Variants in ACIN1 observed in about 807,000 individuals in gnomAD.
ACIN1 encodes apoptotic chromatin condensation inducer 1.
ACIN1 carries 16 observed loss-of-function variants against 146.6 expected under a neutral mutation model. That is an observed-to-expected ratio of 0.11 (90% CI 0.07 to 0.17). ACIN1 has a LOEUF of 0.17. Ranked by LOEUF, ACIN1 falls within the 10% of genes least tolerant of loss-of-function variation. ACIN1 has a pLI of 1.00. For synonymous variants in ACIN1, 569 were observed against 582.7 expected (o/e 0.98, Z 0.34); for missense variants, 1,357 against 1,609.3 (o/e 0.84, Z 2.68).
intron 8 of ACIN1, chr14:23,071,405 G>T: frequency 6.4e-7 from 1 of 1,551,352 alleles, no homozygotes; most frequent in Non-Finnish European, 8.7e-7. Context: ...TGGCTTTTAA[G>T]AGATAAGCGT....
chr14:23,069,652 G>GCCGCC, intron 8 of ACIN1, 35 bp from the exon 9 acceptor site: 3 of 577,964 alleles, frequency 5.2e-6, no homozygotes, highest in Non-Finnish European at 1.0e-5. Context: ...GGGGGGGCGG[G>GCCGCC]CAGAAAAGAA....
chr14:23,062,783 AAT>A, intron 14 of ACIN1, 144 bp downstream of exon 14: 1 of 1,083,138 alleles, frequency 9.2e-7, no homozygotes, highest in Non-Finnish European at 1.3e-6. Flanking sequence ...TAGATGGGTA[AAT>A]ATGTTAAGTA....
Position 23,093,528 on chromosome 14 carries a change from T to C in ACIN1, c.155A>G (p.Asn52Ser). The change falls in exon 2 of 19, where the codon AAT becomes AGT. Residue 52 changes from asparagine to serine, a missense_variant. By Grantham distance (46) the Asn-to-Ser change is conservative. Around this residue, in one of 4 missense-constraint regions of ACIN1, gnomAD observed 55 missense variants for 123.9 expected, o/e 0.44. Coordinates refer to ENST00000605057, the MANE Select transcript of ACIN1 (RefSeq NM_001386863.1). ...KRLKGALMLE[N>S]LQKHSTPHAA... ...ATGGGGTGTTGAGTGTTTCTGTAAA[T>C]TTTCTAGCATTAGAGCCTGGTATAG... 1.2e-6 allele frequency: 2 copies of C among 1,614,032 alleles called. No homozygotes were observed. Among genetic ancestry groups the C allele is most frequent in the Non-Finnish European group, 8.5e-7 (1 of 1,179,976 alleles).
chr14:23,070,536 A>G (rs1447050051), intron 8 of ACIN1, among the ~76,000 whole-genome samples: 1 of 152,050 alleles, frequency 6.6e-6, no homozygotes, highest in African/African-American at 2.4e-5. Context: ...GTTAGCTCCC[A>G]TTTCAGGCAA....
intron 4 of ACIN1, among the ~76,000 whole-genome samples, chr14:23,083,328 C>A (rs967536668): frequency 2.0e-5 from 3 of 152,084 alleles, no homozygotes; most frequent in African/African-American, 7.2e-5. Flanking sequence ...CCCCGGTCCT[C>A]CCAAAGTGCT....
intron 4 of ACIN1, 111 bp downstream of exon 4, chr14:23,089,871 G>T: frequency 7.5e-7 from 1 of 1,339,612 alleles, no homozygotes; most frequent in Non-Finnish European, 9.8e-7. Flanking sequence ...CAATGTCACA[G>T]AATTTCCCTG....
intron 7 of ACIN1, 56 bp from the exon 8 acceptor site, chr14:23,078,322 T>C (rs1029382031): frequency 1.3e-6 from 2 of 1,521,712 alleles, no homozygotes; most frequent in Non-Finnish European, 1.8e-6. Flanking sequence ...GCTTGGTTCC[T>C]TTTCTTCTAC....
chr14:23,064,593 T>G, intron 10 of ACIN1, 105 bp from the exon 11 acceptor site: 1 of 1,461,548 alleles, frequency 6.8e-7, no homozygotes, highest in South Asian at 1.3e-5. Flanking sequence ...GGTAAAAGGT[T>G]AACTTAAAGA....
At chr14:23,095,437 A>T (rs2048353675), upstream of ACIN1, 1 of 1,125,190 alleles carries the variant, frequency 8.9e-7, no homozygotes, top group East Asian at 2.6e-5. Context: ...ATGTTCGTTT[A>T]TTTCCGGACC....
Position 23,071,639 on chromosome 14 carries a change from G to A in ACIN1, c.2124-2022C>T, listed in dbSNP as rs573032544. The A allele has an allele frequency of 1.9e-5, 23 of 1,229,294 alleles. No homozygotes were observed. The East Asian group carries it at 4.4e-4, about 23-fold the overall frequency. 76.1% of individuals were successfully genotyped at this position (1,229,294 alleles called of 1,614,324 possible). On this transcript the variant is annotated intron_variant, in intron 8 of 18. Coordinates refer to ENST00000605057, the MANE Select transcript of ACIN1 (RefSeq NM_001386863.1). ...GGAGGGGAAAGAAAAGAGGGAGGGAGCTGAGTGAGCAAGGTTCTTATCCTT... is the reference window on the plus strand; with the variant it reads ...GGAGGGGAAAGAAAAGAGGGAGGGAACTGAGTGAGCAAGGTTCTTATCCTT...
At chr14:23,069,726 G>C in intron 8 of ACIN1, 109 bp from the exon 9 acceptor site, 1 of 1,057,396 alleles carries the variant, frequency 9.5e-7, no homozygotes, top group South Asian at 1.6e-5. Context: ...CTCATCACTT[G>C]GGTGGGATTA....
chr14:23,092,344 G>GTAT (rs2048250487), intron 2 of ACIN1, among the ~76,000 whole-genome samples: 1 of 151,172 alleles, frequency 6.6e-6, no homozygotes, highest in South Asian at 2.1e-4. Context: ...GGTTGCATGT[G>GTAT]TATTACAGAA....
chr14:23,066,055 CCA>C (rs1193910062), intron 9 of ACIN1, 47 bp from the exon 10 acceptor site: 5 of 1,549,062 alleles, frequency 3.2e-6, no homozygotes, highest in East Asian at 4.5e-5. Context: ...GAGAGACACC[CCA>C]CAGAGAGGGG....
intron 9 of ACIN1, among the ~76,000 whole-genome samples, chr14:23,066,760 TCTTA>T (rs775688552): frequency 6.6e-6 from 1 of 151,980 alleles, no homozygotes; most frequent in Non-Finnish European, 1.5e-5. Flanking sequence ...TCCAGCAGAG[TCTTA>T]CTGTTTCCTC....
chr14:23,069,652 G>GGGGGGGGGGCCCCGGC, intron 8 of ACIN1, 35 bp from the exon 9 acceptor site: 1 of 577,972 alleles, frequency 1.7e-6, no homozygotes, highest in Non-Finnish European at 3.3e-6. Context: ...GGGGGGGCGG[G>GGGGGGGGGGCCCCGGC]CAGAAAAGAA....
intron 9 of ACIN1, 87 bp from the exon 10 acceptor site, chr14:23,066,095 G>T (rs2047446294): frequency 9.7e-7 from 1 of 1,032,384 alleles, no homozygotes; most frequent in Non-Finnish European, 1.5e-6. Flanking sequence ...GGCAGTCTTA[G>T]CTTAGCCTCC....
At chr14:23,071,688 G>T in intron 8 of ACIN1, 1 of 898,476 alleles carries the variant, frequency 1.1e-6, no homozygotes, top group Non-Finnish European at 1.6e-6. Context: ...GGAGCCGACT[G>T]CTGGCTCCAG....
At chr14:23,094,723 A>C (rs2048327709) in intron 1 of ACIN1, 4 of 660,500 alleles carry the variant, frequency 6.1e-6, no homozygotes, top group Non-Finnish European at 9.5e-6. Context: ...AGGAGGAAGG[A>C]GCTTAAGACA....
At chr14:23,090,760 A>T in intron 2 of ACIN1, 127 bp from the exon 3 acceptor site, 1 of 661,856 alleles carries the variant, frequency 1.5e-6, no homozygotes, top group Non-Finnish European at 2.5e-6. Flanking sequence ...AAATGTTGGA[A>T]GGCTTTTTTC....
Sources: allele counts gnomAD v4.1 joint callset (sites outside exome capture counted in the v4.1 genomes callset), GRCh38; gene constraint gnomAD v4.1.1; regional missense constraint gnomAD v4.1.1; transcripts MANE v1.5; gene names NCBI Gene and HGNC (gene_info 2026-07-23, HGNC 2026-07-21).